DYM: variants seen among roughly 807,000 people sequenced by gnomAD.
DYM encodes dyggve-Melchior-Clausen syndrome protein.
In DYM, 78 loss-of-function variants were observed where a neutral mutation model predicts 93.1. The ratio of observed to expected loss-of-function variants is 0.84; its 90% confidence interval spans 0.70 to 1.01. The LOEUF (loss-of-function observed/expected upper bound fraction) is 1.01, where lower values mean the gene tolerates loss of function less well. DYM is among the 50% of genes least tolerant of loss of function. The probability of loss-of-function intolerance (pLI) is 0.00; values close to 1 mark genes in which losing one functional copy is unlikely to be tolerated. For synonymous variants in DYM, 321 were observed against 319.7 expected, an observed-to-expected ratio of 1.00 and a Z score of -0.04; for missense variants, 789 against 845.0, an observed-to-expected ratio of 0.93 and a Z score of 0.82.
chr18:49,216,449 C>CT (rs2093049228), intron 13 of DYM, among the ~76,000 whole-genome samples: 1 of 152,202 alleles, frequency 6.6e-6, no homozygotes, highest in South Asian at 2.1e-4. Flanking sequence ...AGACTGCTTC[C>CT]TTAAGTGGGT....
At chr18:49,224,053 G>T (rs1943005) in intron 13 of DYM, among the ~76,000 whole-genome samples, 109,691 of 151,894 alleles carry the variant, frequency 0.72, 40,638 homozygotes, top group Non-Finnish European at 0.81. Context: ...GTTACTGCAG[G>T]AGAGTAGGCA....
chr18:49,080,669 G>T lies in DYM; in HGVS notation c.2025+16733C>A, dbSNP rs562832780. ...CCCCCCCACCTCCCTCCCGGACGGG[G>T]CGGCTGCCGGGCAGAGACGCTCCTC... On this transcript the variant is annotated intron_variant, in intron 17 of 17. Coordinates refer to ENST00000675505, the MANE Select transcript of DYM (RefSeq NM_001353214.3). Among the ~76,000 whole-genome samples the T allele has an allele frequency of 3.0e-4, 45 of 150,028 alleles. No individual in the cohort carries two copies. The East Asian group carries it at 8.8e-3, about 29-fold the overall frequency.
chr18:49,197,286 C>A (rs1028473364), intron 14 of DYM, among the ~76,000 whole-genome samples: 1 of 150,898 alleles, frequency 6.6e-6, no homozygotes, highest in Non-Finnish European at 1.5e-5. Flanking sequence ...AGTTTAAGTA[C>A]AGAAAAGGGC....
At chr18:49,311,495 A>G (rs2061584271) in intron 8 of DYM, among the ~76,000 whole-genome samples, 2 of 152,252 alleles carry the variant, frequency 1.3e-5, no homozygotes, top group Admixed American at 1.3e-4. Context: ...CATCAATGAT[A>G]GGCTGAATTA....
chr18:49,223,288 G>C (rs1442337778), intron 13 of DYM, among the ~76,000 whole-genome samples: 1 of 152,086 alleles, frequency 6.6e-6, no homozygotes, highest in East Asian at 1.9e-4. Flanking sequence ...CTTAAACTTA[G>C]GTCGGGTAGC....
chr18:49,427,689 T>C (rs1469065484), intron 2 of DYM, among the ~76,000 whole-genome samples: 1 of 152,214 alleles, frequency 6.6e-6, no homozygotes, highest in Non-Finnish European at 1.5e-5. Context: ...ACTATATCCA[T>C]ACAATGGAGT....
intron 16 of DYM, among the ~76,000 whole-genome samples, chr18:49,117,732 C>A (rs554845762): frequency 6.6e-6 from 1 of 152,288 alleles, no homozygotes; most frequent in South Asian, 2.1e-4. Flanking sequence ...ACCTGCCACA[C>A]CCACTGTGCA....
In DYM at chr18:49,326,033, T is replaced by C. The variant is rs62104619; in HGVS notation, c.763+5831A>G. 3.5e-3 allele frequency among the ~76,000 whole-genome samples: 533 copies of C among 152,352 alleles called. 3 individuals carry two copies. The highest frequency in any genetic ancestry group is 0.013 in the South Asian group (61 of 4,832). On this transcript the variant is annotated intron_variant, in intron 8 of 17. Transcript: ENST00000675505. ...AGGAGGATGCATTCATCAGCGGTGCTGAAATGACTCGGATACATCAGAATC... is the reference window on the plus strand; with the variant it reads ...AGGAGGATGCATTCATCAGCGGTGCCGAAATGACTCGGATACATCAGAATC...
chr18:49,367,236 T>C (rs2066606039), intron 5 of DYM, among the ~76,000 whole-genome samples: 1 of 152,192 alleles, frequency 6.6e-6, no homozygotes, highest in Admixed American at 6.5e-5. Context: ...TATAAGCTAT[T>C]ATCATCCGTA....
At chr18:49,435,423 T>TAAA (rs58887917) in intron 1 of DYM, among the ~76,000 whole-genome samples, 53 of 124,744 alleles carry the variant, frequency 4.2e-4, no homozygotes, top group South Asian at 1.3e-3. Context: ...ACTAAAACAG[T>TAAA]AAAAAAAAAA....
chr18:49,373,294 C>T (rs369223680), intron 5 of DYM, among the ~76,000 whole-genome samples: 21 of 152,184 alleles, frequency 1.4e-4, no homozygotes, highest in Admixed American at 4.6e-4. Flanking sequence ...AATGAAAGAA[C>T]GGCTACTCCA....
At chr18:49,361,121 C>A (rs2065977898) in intron 6 of DYM, among the ~76,000 whole-genome samples, 1 of 152,210 alleles carries the variant, frequency 6.6e-6, no homozygotes, top group Non-Finnish European at 1.5e-5. Flanking sequence ...CTAAACAATA[C>A]TGGAGTTCTG....
intron 17 of DYM, among the ~76,000 whole-genome samples, chr18:49,055,505 G>A (rs535898031): frequency 6.6e-6 from 1 of 152,330 alleles, no homozygotes; most frequent in East Asian, 1.9e-4. Context: ...TCCAAGGTAG[G>A]AGATGGGGGC....
intron 6 of DYM, among the ~76,000 whole-genome samples, chr18:49,336,017 T>C (rs1003702890): frequency 2.6e-5 from 4 of 152,162 alleles, no homozygotes; most frequent in Non-Finnish European, 4.4e-5. Flanking sequence ...TTTTACCATG[T>C]TGCCCAGGCT....
At chr18:49,206,724 C>T (rs1018581878) in intron 14 of DYM, among the ~76,000 whole-genome samples, 5 of 152,132 alleles carry the variant, frequency 3.3e-5, no homozygotes, top group Non-Finnish European at 7.3e-5. Context: ...CTAGCCACTA[C>T]ACTATATTAA....
At chr18:49,366,446 T>C (rs988664613) in intron 5 of DYM, among the ~76,000 whole-genome samples, 5 of 152,270 alleles carry the variant, frequency 3.3e-5, no homozygotes, top group Admixed American at 2.0e-4. Flanking sequence ...TTTACTGTAT[T>C]GTAAAGTTTT....
At chr18:49,304,100 A>G (rs991077444) in intron 8 of DYM, among the ~76,000 whole-genome samples, 8 of 152,216 alleles carry the variant, frequency 5.3e-5, no homozygotes, top group Admixed American at 2.6e-4. Context: ...TTTTTCAATT[A>G]TAAGTTTCTA....
intron 5 of DYM, among the ~76,000 whole-genome samples, chr18:49,369,166 G>A (rs2066777666): frequency 6.6e-6 from 1 of 152,236 alleles, no homozygotes; most frequent in South Asian, 2.1e-4. Context: ...AAAGGGAATA[G>A]GGTGGGTAAA....
At chr18:49,190,351 T>C (rs982599533) in intron 14 of DYM, among the ~76,000 whole-genome samples, 1 of 152,230 alleles carries the variant, frequency 6.6e-6, no homozygotes, top group Non-Finnish European at 1.5e-5. Context: ...ATGGTTACAT[T>C]GCTATCTTTA....
Sources: allele counts gnomAD v4.1 joint callset (sites outside exome capture counted in the v4.1 genomes callset), GRCh38; gene constraint gnomAD v4.1.1; transcripts MANE v1.5; gene names NCBI Gene and HGNC (gene_info 2026-07-23, HGNC 2026-07-21).